Variants in EMILIN3 observed in about 807,000 individuals in gnomAD.
EMILIN3 encodes EMILIN-3.
EMILIN3 carries 38 observed loss-of-function variants against 42.8 expected under a neutral mutation model. The observed-to-expected ratio is 0.89, with a 90% confidence interval of 0.69 to 1.16. The LOEUF is 1.16. Ranked by LOEUF, EMILIN3 falls within the 50% of genes most tolerant of loss-of-function variation. The pLI is 0.00. For missense variants in EMILIN3, 924 were observed against 999.5 expected, an observed-to-expected ratio of 0.92 and a Z score of 1.02; for synonymous variants, 430 against 440.5, an observed-to-expected ratio of 0.98 and a Z score of 0.30.
At chr20:41,363,981 T>A (rs921408293) in intron 2 of EMILIN3, 120 bp from the exon 3 acceptor site, 2 of 881,972 alleles carry the variant, frequency 2.3e-6, no homozygotes, top group African/African-American at 1.7e-5. Context: ...CCCACCTCCA[T>A]AGCACCCCCA....
chr20:41,364,354 C>A (rs2046383297), intron 2 of EMILIN3, among the ~76,000 whole-genome samples: 1 of 152,188 alleles, frequency 6.6e-6, no homozygotes, highest in Admixed American at 6.5e-5. Context: ...CTCTAGCCTG[C>A]TCCGGGACCT....
chr20:41,365,187 T>G lies in EMILIN3; in HGVS notation c.168-30A>C, dbSNP rs742430. Reference sequence around the variant, plus strand: ...AGGAGAAAATGGCACCCCTGGAATATCTGGCTGAGCGAGGCCCACAGAGGC... The same window carrying G: ...AGGAGAAAATGGCACCCCTGGAATAGCTGGCTGAGCGAGGCCCACAGAGGC... On this transcript the variant is annotated intron_variant, in intron 1 of 3. Coordinates refer to ENST00000332312, the MANE Select transcript of EMILIN3 (RefSeq NM_052846.2). The G allele has an allele frequency of 1.4e-3, 2,301 of 1,611,530 alleles. 54 individuals are homozygous for G. The Admixed American group carries it at 0.033, about 23-fold the overall frequency.
At position 41,361,630 on chromosome 20, in the gene EMILIN3, C is replaced by T; in HGVS notation, c.1939G>A (p.Gly647Ser). The T allele has an allele frequency of 2.5e-6, 4 of 1,608,736 alleles. No homozygotes were observed. Among genetic ancestry groups the T allele is most frequent in the Non-Finnish European group, 2.5e-6 (3 of 1,178,254 alleles). Residue 647 changes from glycine (G) to serine (S), a missense_variant, in exon 4 of 4, where the codon GGC (glycine) becomes AGC (serine). Gly to Ser is a moderately conservative substitution (Grantham distance 56). Transcript: ENST00000332312. Reference protein sequence around the residue: ...VSSQGSRLQAGHRQVLNLRGE... With the variant: ...VSSQGSRLQASHRQVLNLRGE... The stretch of plus-strand genomic sequence containing the variant: ...CGCAGGTTCAGGACCTGCCTGTGGC[C>T]AGCCTGAAGCCTGGAGCCTTGGCTG...
chr20:41,363,601 C>G, intron 3 of EMILIN3, 37 bp downstream of exon 3: 2 of 1,559,686 alleles, frequency 1.3e-6, no homozygotes, highest in Non-Finnish European at 1.7e-6. Context: ...GCCCAAGAAA[C>G]CCAATCACCT....
At position 41,362,981 on chromosome 20, in the gene EMILIN3, T is replaced by A. The variant is rs754176080; in HGVS notation, c.588A>T (p.Thr196=). 3 of 1,612,286 alleles carry A rather than the reference T, an allele frequency of 1.9e-6. No individual in the cohort carries two copies. The South Asian group carries it at 3.3e-5, about 18-fold the overall frequency. The part of the protein sequence containing the change: ...LEGDVQRLAQ[T]YGTLSGLVAS... ...CCACCAGGCCACTGAGGGTACCATA[T>A]GTTTGAGCCAGGCGCTGGACATCAC... is the stretch of plus-strand genomic sequence containing the variant. Residue 196 remains threonine (T), a synonymous_variant, in exon 4 of 4, where the codon ACA becomes ACT. Transcript: ENST00000332312.
rs763010626 is a variant in EMILIN3, at chr20:41,365,162, A to C, written c.168-5T>G. 7.4e-6 allele frequency: 12 copies of C among 1,613,334 alleles called. No individual in the cohort carries two copies. The highest frequency in any genetic ancestry group is 3.3e-4 in the Middle Eastern group (2 of 6,080). ...ACCACATAGGCACAGAGGGCCCTAC[A>C]GGAGAAAATGGCACCCCTGGAATAT... On this transcript the variant is annotated splice_polypyrimidine_tract_variant and splice_region_variant and intron_variant, in intron 1 of 3. Coordinates refer to ENST00000332312, the MANE Select transcript of EMILIN3 (RefSeq NM_052846.2).
Position 41,361,580 on chromosome 20 carries a change from A to C in EMILIN3, c.1989T>G (p.Ala663=), listed in dbSNP as rs773301695. The change falls in exon 4 of 4, where the codon GCT becomes GCG. Residue 663 remains alanine (A), a synonymous_variant. Transcript: ENST00000332312. ...NLRGELEQLK[A]GVAKVASGLS... is the part of the protein sequence containing the mutation. ...GCCCACTGGCCACCTTGGCCACACC[A>C]GCCTTGAGTTGCTCCAGCTCCCCAC... 1.9e-6 allele frequency: 3 copies of C among 1,612,064 alleles called. No individual in the cohort carries two copies. Among genetic ancestry groups the C allele is most frequent in the South Asian group, 2.2e-5 (2 of 91,062 alleles).
rs776477570 is a variant in EMILIN3 at position 41,361,548 on chromosome 20, C to T, written c.2021G>A (p.Arg674His). 8.1e-6 allele frequency: 13 copies of T among 1,610,948 alleles called. No individual in the cohort carries two copies. The highest frequency in any genetic ancestry group is 1.7e-5 in the Admixed American group (1 of 59,822). Residue 674 changes from arginine (R) to histidine (H), a missense_variant, in exon 4 of 4, where the codon CGC becomes CAC. Physicochemically the swap from Arg to His is conservative, Grantham distance 29. Transcript: ENST00000332312. ...AAGTTTCTGGGCTGTGTCCTGGCAG[C>T]GGCTCAGCCCACTGGCCACCTTGGC... Reference protein sequence around the residue: ...GVAKVASGLSRCQDTAQKLQH... With the variant: ...GVAKVASGLSHCQDTAQKLQH...
Position 41,362,645 on chromosome 20 carries a change from C to T in EMILIN3, c.924G>A (p.Leu308=). 1.2e-6 allele frequency: 2 copies of T among 1,608,124 alleles called. No individual in the cohort carries two copies. Among genetic ancestry groups the T allele is most frequent in the Non-Finnish European group, 8.5e-7 (1 of 1,179,820 alleles). ...CCAGCAGGCTCCCCCAGAGTCGGTG[C>T]AGCCGTCGGTCCACGTACTCCTCCA... ...ALLEEYVDRR[L]HRLWGSLLDG... The change falls in exon 4 of 4, where the codon CTG becomes CTA. Residue 308 remains leucine (L), a synonymous_variant. Coordinates refer to ENST00000332312, the MANE Select transcript of EMILIN3 (RefSeq NM_052846.2).
rs760532267 is a variant in EMILIN3 at position 41,365,059 on chromosome 20, C to T, written c.266G>A (p.Gly89Glu). 1.9e-6 allele frequency: 3 copies of T among 1,614,016 alleles called. No individual in the cohort carries two copies. Among genetic ancestry groups the T allele is most frequent in the South Asian group, 2.2e-5 (2 of 91,082 alleles). ...VKAEYRQCRW[G>E]PKCPGTVTYR... ...CGTGACTGTCCCGGGGCACTTGGGC[C>T]CCCATCTACACTGCCGGTATTCAGC... Residue 89 changes from glycine to glutamate, a missense_variant, in exon 2 of 4, where the codon GGG (glycine) becomes GAG (glutamate). Gly to Glu is a moderately conservative substitution (Grantham distance 98). Transcript: ENST00000332312.
At chr20:41,363,530 C>A in intron 3 of EMILIN3, 108 bp downstream of exon 3, 4 of 1,127,250 alleles carry the variant, frequency 3.5e-6, no homozygotes, top group South Asian at 1.6e-5. Context: ...GCTTGCCCCT[C>A]CCCATCCATG....
At position 41,366,779 on chromosome 20, in the gene EMILIN3, C is replaced by G; in HGVS notation, c.-145G>C. 1 of 435,822 alleles carries G rather than the reference C, an allele frequency of 2.3e-6. No individual in the cohort carries two copies. The highest frequency in any genetic ancestry group is 3.0e-6 in the Non-Finnish European group (1 of 328,126). The allele number at this position is 435,822 out of a possible 1,614,324, so 27.0% of individuals were successfully genotyped here. On this transcript the variant is annotated 5_prime_UTR_variant, in exon 1 of 4. Transcript: ENST00000332312. This position sits in a 1 kb window ranked among gnomAD's most constrained non-coding sequence, Gnocchi z 4.2. ...CCTTCGGCCCCCGAGCTCGCTGGCC[C>G]GGCCGCCTGGCGCTTCGCGGCGGCT...
Position 41,361,807 on chromosome 20 carries a change from T to C in EMILIN3, c.1762A>G (p.Lys588Glu), listed in dbSNP as rs1367279501. 1.2e-6 allele frequency: 2 copies of C among 1,613,580 alleles called. No individual in the cohort carries two copies. The highest frequency in any genetic ancestry group is 2.2e-5 in the South Asian group (2 of 91,090). Residue 588 changes from lysine to glutamate, a missense_variant, in exon 4 of 4, where the codon AAG becomes GAG. Transcript: ENST00000332312. ...TTGCTCACTGAGTTCAGATTGACCT[T>C]GAGCAGAGTGATCTCGCCTTGAAGT... ...SSLQGEITLL[K>E]VNLNSVSKSL...
chr20:41,363,916 C>T, intron 2 of EMILIN3, 55 bp from the exon 3 acceptor site: 2 of 1,566,232 alleles, frequency 1.3e-6, no homozygotes, highest in East Asian at 2.3e-5. Context: ...TGTGCTTCTC[C>T]CCCTAGCTGG....
At position 41,362,304 on chromosome 20, in the gene EMILIN3, C is replaced by T. The variant is rs1207540407; in HGVS notation, c.1265G>A (p.Arg422Lys). ...PGAPAGDELT[R>K]LSAAMLEGGV... The stretch of plus-strand genomic sequence containing the variant: ...TCCCTCGAGCATGGCAGCAGAGAGC[C>T]TCGTAAGCTCATCCCCGGCCGGGGC... The change falls in exon 4 of 4, where the codon AGG becomes AAG. Residue 422 changes from arginine to lysine, a missense_variant. Transcript: ENST00000332312. The T allele has an allele frequency of 1.9e-6, 3 of 1,613,496 alleles. No homozygotes were observed. The highest frequency in any genetic ancestry group is 2.5e-6 in the Non-Finnish European group (3 of 1,179,954).
chr20:41,363,240 A>C (rs1332523887), intron 3 of EMILIN3, among the ~76,000 whole-genome samples, 186 bp from the exon 4 acceptor site: 1 of 151,016 alleles, frequency 6.6e-6, no homozygotes, highest in Non-Finnish European at 1.5e-5. Context: ...TTCCGGGTTC[A>C]TGCCATTCTC....
In EMILIN3 at chr20:41,366,798, G is replaced by A. The variant is rs1453527680; in HGVS notation, c.-164C>T. ...CTGGCCCGGCCGCCTGGCGCTTCGCGGCGGCTGCGTCCCGCGGAGTGGCCG... is the reference window on the plus strand; with the variant it reads ...CTGGCCCGGCCGCCTGGCGCTTCGCAGCGGCTGCGTCCCGCGGAGTGGCCG... On this transcript the variant is annotated 5_prime_UTR_variant, in exon 1 of 4. Transcript: ENST00000332312. The surrounding 1 kb of genome is among the most constrained non-coding windows in gnomAD (Gnocchi z 4.2). The A allele has an allele frequency of 6.5e-6, 2 of 308,858 alleles. No individual in the cohort carries two copies. The highest frequency in any genetic ancestry group is 9.4e-6 in the Non-Finnish European group (2 of 211,880). 19.1% of individuals were successfully genotyped at this position (308,858 alleles called of 1,614,324 possible).
rs1449886517 is a variant in EMILIN3, at chr20:41,360,423, G to A, written c.*845C>T. 1 of 152,526 alleles carries A rather than the reference G, an allele frequency of 6.6e-6. No individual in the cohort carries two copies. Among genetic ancestry groups the A allele is most frequent in the African/African-American group, 2.4e-5 (1 of 41,450 alleles). 9.4% of individuals were successfully genotyped at this position (152,526 alleles called of 1,614,324 possible). On this transcript the variant is annotated 3_prime_UTR_variant, in exon 4 of 4. Transcript: ENST00000332312. Reference sequence around the variant, plus strand: ...AAGAGGACAGTGTGGGCACCAGAGGGCCCTGGAAACATCTTAGGGGAAGGA... The same window carrying A: ...AAGAGGACAGTGTGGGCACCAGAGGACCCTGGAAACATCTTAGGGGAAGGA...
chr20:41,365,621 C>A (rs967798610), intron 1 of EMILIN3, among the ~76,000 whole-genome samples: 2 of 152,190 alleles, frequency 1.3e-5, no homozygotes. Context: ...GCAGCCCCTG[C>A]CTTTGGTCCT....
Sources: gnomAD v4.1 joint callset for allele counts (sites outside exome capture counted in the v4.1 genomes callset) on GRCh38, gnomAD v4.1.1 for gene constraint, Gnocchi (gnomAD v3.1) non-coding constraint, MANE v1.5 for transcripts, NCBI Gene and HGNC (gene_info 2026-07-23, HGNC 2026-07-21) for gene names.